RHBDL3: variants seen among roughly 807,000 people sequenced by gnomAD.
RHBDL3 encodes rhomboid-related protein 3.
Under a neutral mutation model 48.2 loss-of-function variants are expected in RHBDL3, and 28 were observed. That is an observed-to-expected ratio of 0.58 (90% CI 0.43 to 0.80). RHBDL3 has a LOEUF of 0.80. Ranked by LOEUF, RHBDL3 falls within the 30% of genes least tolerant of loss-of-function variation. RHBDL3 has a pLI of 0.00. For missense variants in RHBDL3, 464 were observed against 542.7 expected (o/e 0.85, Z 1.44); for synonymous variants, 208 against 232.3 (o/e 0.90, Z 0.95).
At chr17:32,315,598 C>T (rs1232333163) in intron 7 of RHBDL3, among the ~76,000 whole-genome samples, 5 of 151,916 alleles carry the variant, frequency 3.3e-5, no homozygotes, top group Non-Finnish European at 4.4e-5. Flanking sequence ...GGGAAACTCA[C>T]GAAGCCTGCA....
In RHBDL3 at chr17:32,290,929, A is replaced by T. The variant is rs1485561495; in HGVS notation, c.519+1913A>T. 2.1e-5 allele frequency among the ~76,000 whole-genome samples: 3 copies of T among 144,764 alleles called. No homozygotes were observed. The Admixed American group carries it at 2.1e-4, about 10-fold the overall frequency. 95.0% of individuals were successfully genotyped at this position (144,764 alleles called of 152,430 possible). On this transcript the variant is annotated intron_variant, in intron 4 of 8. Coordinates refer to ENST00000269051, the MANE Select transcript of RHBDL3 (RefSeq NM_138328.3). ...GGCAAGAGGATCGCTTCAGCCCAGGAGGTCAAGGCTGTAGTGAGCTGTGTC... is the reference window on the plus strand; with the variant it reads ...GGCAAGAGGATCGCTTCAGCCCAGGTGGTCAAGGCTGTAGTGAGCTGTGTC...
chr17:32,283,580 C>T (rs926336220), intron 2 of RHBDL3, among the ~76,000 whole-genome samples: 4 of 152,148 alleles, frequency 2.6e-5, no homozygotes, highest in South Asian at 4.2e-4. Context: ...GCCTTGGCCT[C>T]CCAAAGTGCT....
At chr17:32,316,175 C>A in intron 7 of RHBDL3, 57 bp from the exon 8 acceptor site, 2 of 1,251,758 alleles carry the variant, frequency 1.6e-6, no homozygotes, top group Non-Finnish European at 2.3e-6. Context: ...TTAAGCAAGA[C>A]ACACCGGCAG....
At position 32,266,205 on chromosome 17, in the gene RHBDL3, AG is replaced by A; in HGVS notation, c.17del (p.Ser6ThrfsTer93). MGEHPSPGPAVAACAE... is the reference protein window; with the variant it reads MGEHPXPGPAVAACAE... Reference sequence around the variant, plus strand: ...CGTCTCGGCCATGGGCGAGCACCCCAGCCCGGGCCCCGCGGTGGCCGCCTGC... The same window carrying A: ...CGTCTCGGCCATGGGCGAGCACCCCACCCGGGCCCCGCGGTGGCCGCCTGC... On this transcript the variant is annotated frameshift_variant, in exon 1 of 9. Transcript: ENST00000269051. LOFTEE classifies it high-confidence loss of function. 1 of 1,390,484 alleles carries A rather than the reference AG, an allele frequency of 7.2e-7. No individual in the cohort carries two copies. Among genetic ancestry groups the A allele is most frequent in the Non-Finnish European group, 9.3e-7 (1 of 1,076,908 alleles). The allele number at this position is 1,390,484 out of a possible 1,614,324, so 86.1% of individuals were successfully genotyped here.
intron 2 of RHBDL3, among the ~76,000 whole-genome samples, chr17:32,283,225 G>A (rs2040100462): frequency 6.6e-6 from 1 of 151,722 alleles, no homozygotes; most frequent in Admixed American, 6.6e-5. Flanking sequence ...TGTTAAAAGT[G>A]TTGCTGTGGG....
chr17:32,273,101 G>A (rs62064179), intron 2 of RHBDL3, among the ~76,000 whole-genome samples: 19,166 of 152,190 alleles, frequency 0.13, 1,445 homozygotes, highest in Non-Finnish European at 0.16. Context: ...CCCGGGTTCA[G>A]GCGATTCTCC....
At chr17:32,298,254 G>A (rs770479485) in intron 6 of RHBDL3, 50 bp downstream of exon 6, 3 of 1,287,048 alleles carry the variant, frequency 2.3e-6, no homozygotes, top group South Asian at 1.2e-5. Context: ...CCAGGGTGGG[G>A]TGGGAGACCC....
intron 2 of RHBDL3, among the ~76,000 whole-genome samples, chr17:32,276,131 A>C (rs1420102936): frequency 6.6e-6 from 1 of 152,082 alleles, no homozygotes; most frequent in Non-Finnish European, 1.5e-5. Flanking sequence ...ATAAAAAAAC[A>C]AAACAAATGT....
At position 32,321,110 on chromosome 17, in the gene RHBDL3, C is replaced by T; in HGVS notation, c.1096C>T (p.Gln366Ter). 1 of 1,614,270 alleles carries T rather than the reference C, an allele frequency of 6.2e-7. No homozygotes were observed. Among genetic ancestry groups the T allele is most frequent in the Non-Finnish European group, 8.5e-7 (1 of 1,180,044 alleles). The stretch of plus-strand genomic sequence containing the variant: ...CCTGAGGAACTACGAGCAGAGGCTC[C>T]AGGACCAGTCACTGTGGTGGATTTT... Reference protein sequence around the residue: ...VVLRNYEQRLQDQSLWWIFVA... With the variant: ...VVLRNYEQRL Residue 366 changes from glutamine (Q) to a stop codon, truncating the protein, a stop_gained, in exon 9 of 9, where the codon CAG becomes TAG. Transcript: ENST00000269051. LOFTEE classifies it high-confidence loss of function.
At chr17:32,305,998 C>T (rs1473924798) in intron 7 of RHBDL3, among the ~76,000 whole-genome samples, 1 of 152,024 alleles carries the variant, frequency 6.6e-6, no homozygotes, top group Non-Finnish European at 1.5e-5. Flanking sequence ...AATACAAGGG[C>T]TTTAGAGATT....
chr17:32,295,533 C>T (rs11655481), intron 5 of RHBDL3, among the ~76,000 whole-genome samples: 50,358 of 152,184 alleles, frequency 0.33, 9,570 homozygotes, highest in Non-Finnish European at 0.43. Context: ...ACAACAGACA[C>T]GGGGGCTTCC....
At chr17:32,287,068 C>T (rs1365918159) in intron 3 of RHBDL3, among the ~76,000 whole-genome samples, 1 of 152,208 alleles carries the variant, frequency 6.6e-6, no homozygotes, top group Non-Finnish European at 1.5e-5. Flanking sequence ...CGGAATAATA[C>T]GGGGTGCCAA....
At position 32,321,290 on chromosome 17, in the gene RHBDL3, G is replaced by A. The variant is rs368559855; in HGVS notation, c.*61G>A. The A allele has an allele frequency of 2.9e-5, 46 of 1,608,180 alleles. 2 individuals are homozygous for A. The highest frequency in any genetic ancestry group is 1.8e-4 in the East Asian group (8 of 44,708). On this transcript the variant is annotated 3_prime_UTR_variant, in exon 9 of 9. Coordinates refer to ENST00000269051, the MANE Select transcript of RHBDL3 (RefSeq NM_138328.3). ...AGCAGCACCCACAGGGAGCGCCTGC[G>A]AGGTTTCTTCTCATCACCAGCTCAG...
intron 7 of RHBDL3, among the ~76,000 whole-genome samples, chr17:32,307,642 C>T (rs1226321792): frequency 2.6e-5 from 4 of 152,112 alleles, no homozygotes; most frequent in Non-Finnish European, 4.4e-5. Context: ...AGAGAGGCTG[C>T]GGGTGTTGGG....
chr17:32,271,069 A>G (rs2039762669), intron 2 of RHBDL3, among the ~76,000 whole-genome samples: 1 of 152,114 alleles, frequency 6.6e-6, no homozygotes, highest in Non-Finnish European at 1.5e-5. Flanking sequence ...TTAAAGAAAA[A>G]AGTCTTATTT....
At position 32,267,437 on chromosome 17, in the gene RHBDL3, GGA is replaced by G. The variant is rs1428616993; in HGVS notation, c.112-463_112-462del. On this transcript the variant is annotated intron_variant, in intron 1 of 8. Coordinates refer to ENST00000269051, the MANE Select transcript of RHBDL3 (RefSeq NM_138328.3). ...TGCAGAGGTGAGTTCTCCTGGGGGGGGAGGGGGGGGCTCTAGCTCCCAGCAGG... is the reference window on the plus strand; with the variant it reads ...TGCAGAGGTGAGTTCTCCTGGGGGGGGGGGGGGGCTCTAGCTCCCAGCAGG... Among the ~76,000 whole-genome samples, 732 of 142,146 alleles carry G rather than the reference GGA, an allele frequency of 5.1e-3. 33 individuals are homozygous for G. Among genetic ancestry groups the G allele is most frequent in the African/African-American group, 0.019 (706 of 36,870 alleles). 93.3% of individuals were successfully genotyped at this position (142,146 alleles called of 152,430 possible).
chr17:32,302,531 G>GTGTA (rs1210144180), intron 6 of RHBDL3, among the ~76,000 whole-genome samples: 1 of 122,460 alleles, frequency 8.2e-6, no homozygotes, highest in Admixed American at 8.2e-5. Context: ...GCTAATTTTT[G>GTGTA]TATATATATA....
In RHBDL3 at chr17:32,270,507, A is replaced by G. The variant is rs561744597; in HGVS notation, c.135+2582A>G. ...ATGGTGTTGGTCTTGTTGGTCCTAT[A>G]TGGTCACCGTCGAACTAAATGGCCA... is the stretch of plus-strand genomic sequence containing the variant. On this transcript the variant is annotated intron_variant, in intron 2 of 8. Coordinates refer to ENST00000269051, the MANE Select transcript of RHBDL3 (RefSeq NM_138328.3). 2.5e-4 allele frequency among the ~76,000 whole-genome samples: 38 copies of G among 151,988 alleles called. 1 individual carries two copies. In the South Asian group the frequency reaches 7.3e-3, roughly 29 times the overall value.
chr17:32,310,708 G>A (rs918674704), intron 7 of RHBDL3, among the ~76,000 whole-genome samples: 3 of 120,772 alleles, frequency 2.5e-5, no homozygotes, highest in South Asian at 2.6e-4. Context: ...TAGAGACTCC[G>A]TCTAAAAAAA....
Sources: gnomAD v4.1 joint callset for allele counts (sites outside exome capture counted in the v4.1 genomes callset) on GRCh38, gnomAD v4.1.1 for gene constraint, MANE v1.5 for transcripts, NCBI Gene and HGNC (gene_info 2026-07-23, HGNC 2026-07-21) for gene names.